The following HLCS variants were observed in gnomAD, a reference collection of about 807,000 sequenced individuals.
HLCS encodes the protein biotin--protein ligase.
In HLCS, 53 loss-of-function variants were observed where a neutral mutation model predicts 75.0. That is an observed-to-expected ratio of 0.71 (90% CI 0.57 to 0.89). The LOEUF (loss-of-function observed/expected upper bound fraction) is 0.89, where lower values mean the gene tolerates loss of function less well. Among genes scored for constraint, HLCS ranks in the 40% least tolerant of loss-of-function variants. The pLI, the probability that HLCS is intolerant of heterozygous loss-of-function variation, is 0.00. For synonymous variants in HLCS, 431 were observed against 428.6 expected (o/e 1.01, Z -0.07); for missense variants, 966 against 1,074.0 (o/e 0.90, Z 1.41).
intron 6 of HLCS, among the ~76,000 whole-genome samples, chr21:36,810,275 T>C (rs1057022430): frequency 2.0e-5 from 3 of 152,238 alleles, no homozygotes; most frequent in African/African-American, 7.2e-5. Context: ...GTTCTTTTGG[T>C]TGGCAATTAG....
At chr21:36,788,208 G>A (rs1322092544) in intron 6 of HLCS, among the ~76,000 whole-genome samples, 1 of 152,176 alleles carries the variant, frequency 6.6e-6, no homozygotes, top group African/African-American at 2.4e-5. Context: ...CTTCCTGAAT[G>A]TCCCTAAGGG....
At position 36,759,547 on chromosome 21, in the gene HLCS, T is replaced by C. The variant is rs2073418; in HGVS notation, c.2236+180A>G. Among the ~76,000 whole-genome samples the C allele has an allele frequency of 0.061, 9,276 of 152,316 alleles. 364 individuals are homozygous for C. The highest frequency in any genetic ancestry group is 0.098 in the African/African-American group (4,080 of 41,564). On this transcript the variant is annotated intron_variant, in intron 9 of 10. Coordinates refer to ENST00000674895, the MANE Select transcript of HLCS (RefSeq NM_001352514.2). ...TCCCGTGGTCACACACAGAAAATGC[T>C]AAACCCTGTGAAGTGCTTTCGACCA...
At chr21:36,897,971 C>T (rs1024522074) in intron 5 of HLCS, among the ~76,000 whole-genome samples, 1 of 152,184 alleles carries the variant, frequency 6.6e-6, no homozygotes, top group Non-Finnish European at 1.5e-5. Context: ...CAGATCCAGG[C>T]TCTTAGGCCA....
intron 6 of HLCS, among the ~76,000 whole-genome samples, chr21:36,893,540 G>A (rs1000069746): frequency 2.0e-5 from 3 of 152,258 alleles, no homozygotes; most frequent in East Asian, 3.9e-4. Context: ...ACCAGGGTCC[G>A]GTTTTGTGGA....
intron 6 of HLCS, among the ~76,000 whole-genome samples, chr21:36,879,739 T>C (rs982520022): frequency 2.0e-5 from 3 of 151,942 alleles, no homozygotes; most frequent in Non-Finnish European, 4.4e-5. Context: ...TGAGACCTTG[T>C]CTCTACAAAA....
chr21:36,858,192 T>C (rs2146176894), intron 6 of HLCS, among the ~76,000 whole-genome samples: 1 of 152,352 alleles, frequency 6.6e-6, no homozygotes, highest in South Asian at 2.1e-4. Context: ...ACTTAAGAAA[T>C]CTTATCTCAT....
At chr21:36,768,456 C>T (rs556291336) in intron 6 of HLCS, among the ~76,000 whole-genome samples, 34 of 152,314 alleles carry the variant, frequency 2.2e-4, no homozygotes, top group Non-Finnish European at 3.8e-4. Flanking sequence ...AAGAAAAATA[C>T]TTAAAAGCAG....
intron 3 of HLCS, 63 bp downstream of exon 3, chr21:36,938,769 G>C: frequency 6.5e-7 from 1 of 1,550,342 alleles, no homozygotes; most frequent in Non-Finnish European, 8.9e-7. Context: ...CTTCCAAAGT[G>C]CTGGGATTAC....
chr21:36,944,565 C>CT (rs1390916084), intron 2 of HLCS, among the ~76,000 whole-genome samples: 3 of 151,980 alleles, frequency 2.0e-5, no homozygotes, highest in African/African-American at 7.3e-5. Flanking sequence ...AGGACAATTT[C>CT]TTTATTTTTT....
Position 36,751,106 on chromosome 21 carries a change from G to A in HLCS, c.*3140C>T, listed in dbSNP as rs1057435714. On this transcript the variant is annotated 3_prime_UTR_variant, in exon 11 of 11. Transcript: ENST00000674895. ...AACACTTTATTTATTTTGTAAAAAT[G>A]TTTAAATATGAATAAAAATACTGTA... The A allele has an allele frequency of 1.4e-5, 2 of 142,520 alleles. No homozygotes were observed. The highest frequency in any genetic ancestry group is 2.6e-5 in the African/African-American group (1 of 38,716). The allele number at this position is 142,520 out of a possible 1,614,324, so 8.8% of individuals were successfully genotyped here.
At chr21:36,887,954 T>C (rs1379694841) in intron 6 of HLCS, among the ~76,000 whole-genome samples, 1 of 152,204 alleles carries the variant, frequency 6.6e-6, no homozygotes, top group Non-Finnish European at 1.5e-5. Flanking sequence ...TCAAGGGATT[T>C]CAAATTAAAC....
intron 5 of HLCS, among the ~76,000 whole-genome samples, chr21:36,920,829 C>T (rs2066133647): frequency 6.6e-6 from 1 of 152,140 alleles, no homozygotes. Context: ...TAAAAAGCTA[C>T]AGAAAAACTT....
chr21:36,916,113 T>C (rs183401631), intron 5 of HLCS, among the ~76,000 whole-genome samples: 1 of 152,122 alleles, frequency 6.6e-6, no homozygotes, highest in Admixed American at 6.5e-5. Flanking sequence ...ATACAAATAA[T>C]ACAACAATAG....
At chr21:36,987,319 A>C (rs989125069) in intron 1 of HLCS, among the ~76,000 whole-genome samples, 1 of 152,218 alleles carries the variant, frequency 6.6e-6, no homozygotes, top group South Asian at 2.1e-4. Context: ...ACTCAAGTCA[A>C]AATGAAAAGC....
At chr21:36,874,709 G>A (rs1450455297) in intron 6 of HLCS, among the ~76,000 whole-genome samples, 1 of 152,226 alleles carries the variant, frequency 6.6e-6, no homozygotes, top group Non-Finnish European at 1.5e-5. Flanking sequence ...CAATGGGGGA[G>A]GTGTGGCCAG....
chr21:36,908,702 T>C (rs1044295023), intron 5 of HLCS, among the ~76,000 whole-genome samples: 5 of 152,106 alleles, frequency 3.3e-5, no homozygotes, highest in Non-Finnish European at 5.9e-5. Flanking sequence ...GAATAAAAAG[T>C]AATGGGCTAC....
At chr21:36,945,968 C>G (rs923230576) in intron 2 of HLCS, 16 of 232,142 alleles carry the variant, frequency 6.9e-5, no homozygotes, top group East Asian at 1.8e-4. Context: ...ATTCCCCATG[C>G]TTCAATGTCC....
intron 2 of HLCS, among the ~76,000 whole-genome samples, chr21:36,945,590 C>G (rs1601834916): frequency 1.3e-5 from 2 of 152,294 alleles, no homozygotes; most frequent in South Asian, 2.1e-4. Context: ...AGGCTATTTA[C>G]ATGAAGTATC....
chr21:36,819,584 A>T lies in HLCS; in HGVS notation c.1893-52299T>A, dbSNP rs570939457. ...ATCAAGCTATGATACGGACAGTATC[A>T]TTTACGGAAAGCTTCTAATACAGCA... is the stretch of plus-strand genomic sequence containing the variant. On this transcript the variant is annotated intron_variant, in intron 6 of 10. Transcript: ENST00000674895. 7.2e-5 allele frequency among the ~76,000 whole-genome samples: 11 copies of T among 152,330 alleles called. No individual in the cohort carries two copies. The South Asian group carries it at 2.1e-3, about 29-fold the overall frequency.
Sources: allele counts gnomAD v4.1 joint callset (sites outside exome capture counted in the v4.1 genomes callset), GRCh38; gene constraint gnomAD v4.1.1; transcripts MANE v1.5; gene names NCBI Gene and HGNC (gene_info 2026-07-23, HGNC 2026-07-21).